IL1RAPL2: variants seen among roughly 807,000 people sequenced by gnomAD.
IL1RAPL2 encodes the protein X-linked interleukin-1 receptor accessory protein-like 2.
Under a neutral mutation model 44.1 loss-of-function variants are expected in IL1RAPL2, and 3 were observed. The ratio of observed to expected loss-of-function variants is 0.07; its 90% CI spans 0.03 to 0.18. The LOEUF (loss-of-function observed/expected upper bound fraction) is 0.18. IL1RAPL2 is among the 10% of genes least tolerant of loss of function. IL1RAPL2 has a pLI of 1.00. For missense variants in IL1RAPL2, 391 were observed against 496.4 expected (o/e 0.79, Z 2.02); for synonymous variants, 181 against 178.8 (o/e 1.01, Z -0.10).
intron 1 of IL1RAPL2, among the ~76,000 whole-genome samples, chrX:104,646,880 T>C (rs1027755649): frequency 6.3e-5 from 7 of 111,917 alleles, no homozygotes; most frequent in Admixed American, 5.7e-4. Flanking sequence ...TGCGGTCATA[T>C]CATGTGACCG....
chrX:104,946,040 C>G (rs1925337438), intron 2 of IL1RAPL2, among the ~76,000 whole-genome samples: 1 of 109,673 alleles, frequency 9.1e-6, no homozygotes, highest in South Asian at 3.9e-4. Flanking sequence ...TTTACAAAGT[C>G]CAAATTATCA....
intron 5 of IL1RAPL2, among the ~76,000 whole-genome samples, chrX:105,338,261 G>A (rs1253048080): frequency 8.9e-6 from 1 of 111,877 alleles, no homozygotes; most frequent in Admixed American, 9.5e-5. Context: ...TGATGTTACT[G>A]TCAGGATTGT....
intron 6 of IL1RAPL2, among the ~76,000 whole-genome samples, chrX:105,678,481 C>T (rs1170695939): frequency 9.1e-6 from 1 of 109,707 alleles, no homozygotes; most frequent in Non-Finnish European, 1.9e-5. Context: ...ATTAACCATC[C>T]CCATCCCCCC....
intron 5 of IL1RAPL2, among the ~76,000 whole-genome samples, chrX:105,342,113 A>T (rs763719457): frequency 1.1e-5 from 1 of 93,119 alleles, no homozygotes; most frequent in East Asian, 3.9e-4. Context: ...GAACAACGAG[A>T]TCACATGGAC....
chrX:104,861,802 T>C (rs1306900669), intron 2 of IL1RAPL2, among the ~76,000 whole-genome samples: 1 of 112,147 alleles, frequency 8.9e-6, no homozygotes, highest in African/African-American at 3.2e-5. Context: ...TGTAAATGGC[T>C]GTTATACTGT....
At chrX:105,079,556 T>A (rs1213039610) in intron 2 of IL1RAPL2, among the ~76,000 whole-genome samples, 3 of 109,929 alleles carry the variant, frequency 2.7e-5, no homozygotes, top group Non-Finnish European at 5.7e-5. Flanking sequence ...CTGCATAGTA[T>A]TCCATGGTGT....
Position 105,602,600 on chromosome X carries a change from T to C in IL1RAPL2, c.773-114767T>C, listed in dbSNP as rs72618306. ...TCAAGGGGGCTCAAAAATTCCCAAA[T>C]AGATTCAACCAAAACAGGTCTTCTA... On this transcript the variant is annotated intron_variant, in intron 6 of 10. Coordinates refer to ENST00000372582, the MANE Select transcript of IL1RAPL2 (RefSeq NM_017416.2). 2.7e-5 allele frequency among the ~76,000 whole-genome samples: 3 copies of C among 110,068 alleles called. No individual in the cohort carries two copies. In the East Asian group the frequency reaches 8.6e-4, roughly 32 times the overall value.
intron 5 of IL1RAPL2, among the ~76,000 whole-genome samples, chrX:105,331,181 A>G (rs1329280526): frequency 1.8e-5 from 2 of 111,306 alleles, no homozygotes; most frequent in African/African-American, 3.3e-5. Flanking sequence ...TTCTTACAAC[A>G]CACAGAACAT....
intron 2 of IL1RAPL2, among the ~76,000 whole-genome samples, chrX:105,049,455 T>C (rs1308321640): frequency 9.0e-6 from 1 of 111,543 alleles, no homozygotes; most frequent in Non-Finnish European, 1.9e-5. Context: ...TGCAAGTCAA[T>C]GGCAAGGCCT....
chrX:105,676,736 G>A (rs2037876609), intron 6 of IL1RAPL2, among the ~76,000 whole-genome samples: 1 of 111,973 alleles, frequency 8.9e-6, no homozygotes, highest in African/African-American at 3.2e-5. Context: ...GTGCAAAAGT[G>A]TTAGATAAAT....
intron 1 of IL1RAPL2, among the ~76,000 whole-genome samples, chrX:104,628,696 A>G (rs1431231603): frequency 1.8e-5 from 2 of 111,690 alleles, no homozygotes; most frequent in Non-Finnish European, 1.9e-5. Flanking sequence ...TTATTTTTAG[A>G]TATTTGAGAA....
chrX:104,573,728 A>C (rs180943476), intron 1 of IL1RAPL2, among the ~76,000 whole-genome samples: 66 of 112,667 alleles, frequency 5.9e-4, no homozygotes, highest in Admixed American at 5.3e-3. Flanking sequence ...ATTGGAAATT[A>C]TAATGATTAA....
At chrX:105,633,438 G>A (rs934812027) in intron 6 of IL1RAPL2, among the ~76,000 whole-genome samples, 2 of 111,331 alleles carry the variant, frequency 1.8e-5, no homozygotes, top group Non-Finnish European at 3.8e-5. Context: ...TCCCACCCTT[G>A]TTTATTGATC....
chrX:104,780,017 T>A (rs1470544810), intron 2 of IL1RAPL2, among the ~76,000 whole-genome samples: 1 of 111,828 alleles, frequency 8.9e-6, no homozygotes, highest in Non-Finnish European at 1.9e-5. Flanking sequence ...GAAAGAAGAC[T>A]AAATGAAATT....
chrX:105,119,413 A>T (rs2032897174), intron 2 of IL1RAPL2, among the ~76,000 whole-genome samples: 1 of 110,975 alleles, frequency 9.0e-6, no homozygotes, highest in Admixed American at 9.6e-5. Context: ...TGCTCTCTGT[A>T]GCAACACAAT....
At chrX:104,781,173 A>T (rs1045942915) in intron 2 of IL1RAPL2, among the ~76,000 whole-genome samples, 2 of 110,791 alleles carry the variant, frequency 1.8e-5, no homozygotes, top group Admixed American at 9.7e-5. Context: ...TACAGGTAAC[A>T]TTATTAAACA....
intron 6 of IL1RAPL2, among the ~76,000 whole-genome samples, chrX:105,486,984 C>T (rs764197857): frequency 8.5e-5 from 9 of 105,343 alleles, no homozygotes; most frequent in Admixed American, 4.2e-4. Context: ...CCCAGCTACT[C>T]GGGAGGCTGA....
At chrX:105,161,246 T>TAATAATAATAATAATA (rs1163099176) in intron 2 of IL1RAPL2, among the ~76,000 whole-genome samples, 2 of 76,414 alleles carry the variant, frequency 2.6e-5, no homozygotes, top group African/African-American at 1.0e-4. Context: ...TAATAATAAT[T>TAATAATAATAATAATA]GCGTGTGCTT....
chrX:105,748,828 A>C (rs1317268635), intron 8 of IL1RAPL2, 132 bp from the exon 9 acceptor site: 2 of 523,887 alleles, frequency 3.8e-6, no homozygotes, highest in Non-Finnish European at 6.0e-6. Flanking sequence ...TCAAGAGCAA[A>C]GCTACTGCAT....
Sources: gnomAD v4.1 joint callset for allele counts (sites outside exome capture counted in the v4.1 genomes callset) on GRCh38, gnomAD v4.1.1 for gene constraint, MANE v1.5 for transcripts, NCBI Gene and HGNC (gene_info 2026-07-23, HGNC 2026-07-21) for gene names.